Variants in PRKG1 observed in about 807,000 individuals in gnomAD.
The protein encoded by PRKG1 is protein kinase cGMP-dependent 1.
PRKG1 carries 35 observed loss-of-function variants against 88.1 expected under a neutral mutation model. That is an observed-to-expected ratio of 0.40 (90% confidence interval 0.30 to 0.53). The LOEUF is 0.53. Ranked by LOEUF, PRKG1 falls within the 20% of genes least tolerant of loss-of-function variation. The probability of loss-of-function intolerance (pLI) is 0.59; values close to 1 mark genes in which losing one functional copy is unlikely to be tolerated. For missense variants in PRKG1, 540 were observed against 839.8 expected (o/e 0.64, Z 4.41); for synonymous variants, 303 against 292.5 (o/e 1.04, Z -0.37).
chr10:52,144,189 T>G (rs978028460), intron 8 of PRKG1, among the ~76,000 whole-genome samples: 2 of 152,076 alleles, frequency 1.3e-5, no homozygotes, highest in Admixed American at 6.6e-5. Context: ...GAAAGACCTT[T>G]GTACAGTAAT....
chr10:51,688,554 C>A, intron 3 of PRKG1, among the ~76,000 whole-genome samples: 1 of 136,878 alleles, frequency 7.3e-6, no homozygotes, highest in Non-Finnish European at 1.5e-5. Context: ...CTAAAATTGC[C>A]AGTAACAATC....
chr10:51,209,690 A>G (rs1838162051), intron 2 of PRKG1, among the ~76,000 whole-genome samples: 1 of 152,174 alleles, frequency 6.6e-6, no homozygotes, highest in Non-Finnish European at 1.5e-5. Flanking sequence ...TATCACAAAG[A>G]GATGGTTGAC....
intron 7 of PRKG1, among the ~76,000 whole-genome samples, chr10:52,084,073 T>C (rs996406808): frequency 1.3e-5 from 2 of 152,052 alleles, no homozygotes; most frequent in African/African-American, 4.8e-5. Flanking sequence ...CTCTGGGGAA[T>C]TTCTACAAGG....
At chr10:51,308,173 A>G (rs1841087914) in intron 2 of PRKG1, among the ~76,000 whole-genome samples, 1 of 152,026 alleles carries the variant, frequency 6.6e-6, no homozygotes, top group African/African-American at 2.4e-5. Flanking sequence ...CTCCTGTACC[A>G]TTTTTTCGCT....
At chr10:52,135,275 T>A (rs1245461586) in intron 8 of PRKG1, among the ~76,000 whole-genome samples, 1 of 152,128 alleles carries the variant, frequency 6.6e-6, no homozygotes, top group Non-Finnish European at 1.5e-5. Context: ...AGGAAAGCTA[T>A]CAGCCATTTA....
intron 2 of PRKG1, among the ~76,000 whole-genome samples, chr10:51,457,042 A>G (rs1369629942): frequency 6.6e-6 from 1 of 152,176 alleles, no homozygotes; most frequent in Non-Finnish European, 1.5e-5. Flanking sequence ...TCCTTAAAGA[A>G]CTGTAAGTAG....
intron 2 of PRKG1, among the ~76,000 whole-genome samples, chr10:51,278,232 T>C (rs1457827147): frequency 6.6e-6 from 1 of 152,170 alleles, no homozygotes; most frequent in African/African-American, 2.4e-5. Flanking sequence ...TTGTCGTTGG[T>C]TCTGTTTGTA....
intron 1 of PRKG1, among the ~76,000 whole-genome samples, chr10:51,078,550 C>A (rs576626149): frequency 6.6e-6 from 1 of 150,412 alleles, no homozygotes; most frequent in African/African-American, 2.4e-5. Context: ...TTTTTCATTG[C>A]GAAGTACTTT....
At chr10:51,637,992 C>T (rs1186396178) in intron 3 of PRKG1, among the ~76,000 whole-genome samples, 4 of 152,056 alleles carry the variant, frequency 2.6e-5, no homozygotes, top group Admixed American at 2.6e-4. Flanking sequence ...ATGAAAGTAG[C>T]TAAGTGCAGT....
chr10:52,268,398 C>T lies in PRKG1; in HGVS notation c.1174-2952C>T, dbSNP rs886157229. Among the ~76,000 whole-genome samples, 23 of 152,182 alleles carry T rather than the reference C, an allele frequency of 1.5e-4. 1 individual carries two copies. Among genetic ancestry groups the T allele is most frequent in the African/African-American group, 5.5e-4 (23 of 41,546 alleles). On this transcript the variant is annotated intron_variant, in intron 10 of 17. Coordinates refer to ENST00000373980, the MANE Select transcript of PRKG1 (RefSeq NM_006258.4). ...TTCTCATTATCCTCTTTCTACCCCACTTGGCTTCTCCTTGCAGTATTCAAG... is the reference window on the plus strand; with the variant it reads ...TTCTCATTATCCTCTTTCTACCCCATTTGGCTTCTCCTTGCAGTATTCAAG...
rs1482234223 is a variant in PRKG1 at position 51,967,170 on chromosome 10, A to G, written c.762+59600A>G. On this transcript the variant is annotated intron_variant, in intron 5 of 17. Transcript: ENST00000373980. The stretch of plus-strand genomic sequence containing the variant: ...GACTTGGAACCAACCCAAATGTCCA[A>G]TAATGATAGACTGGATTAAGAAAAT... 2.0e-5 allele frequency among the ~76,000 whole-genome samples: 3 copies of G among 152,186 alleles called. No individual in the cohort carries two copies. In the East Asian group the frequency reaches 5.8e-4, roughly 29 times the overall value.
intron 1 of PRKG1, among the ~76,000 whole-genome samples, chr10:51,018,621 T>A (rs372588234): frequency 2.0e-5 from 3 of 152,340 alleles, no homozygotes; most frequent in South Asian, 4.1e-4. Context: ...AGGTCAACAT[T>A]CTTATTTCCA....
At chr10:51,978,088 T>G (rs1176285872) in intron 5 of PRKG1, among the ~76,000 whole-genome samples, 1 of 152,114 alleles carries the variant, frequency 6.6e-6, no homozygotes, top group Non-Finnish European at 1.5e-5. Flanking sequence ...TCTTCCAGGT[T>G]TTTTATAGTT....
chr10:51,856,966 T>TAAAA (rs748890081), intron 4 of PRKG1, among the ~76,000 whole-genome samples: 6 of 96,738 alleles, frequency 6.2e-5, no homozygotes, highest in Admixed American at 9.8e-5. Flanking sequence ...TCCGTCTTAC[T>TAAAA]AAAAAAAAGA....
At chr10:51,601,125 A>G (rs1838587652) in intron 3 of PRKG1, among the ~76,000 whole-genome samples, 2 of 152,082 alleles carry the variant, frequency 1.3e-5, no homozygotes, top group African/African-American at 2.4e-5. Context: ...ATTTCATTAT[A>G]ATTAATTTGA....
At chr10:51,461,742 T>C (rs1485108204) in intron 2 of PRKG1, among the ~76,000 whole-genome samples, 1 of 152,196 alleles carries the variant, frequency 6.6e-6, no homozygotes, top group Non-Finnish European at 1.5e-5. Context: ...TTCCTTCTTA[T>C]AGTGGCTTAA....
At chr10:51,061,060 G>GGGGTGTGTGTGTGTGT (rs1491449534) in intron 1 of PRKG1, among the ~76,000 whole-genome samples, 16 of 147,042 alleles carry the variant, frequency 1.1e-4, no homozygotes, top group African/African-American at 3.9e-4. Flanking sequence ...TATACCTAGG[G>GGGGTGTGTGTGTGTGT]GTGTGTGTGT....
intron 4 of PRKG1, among the ~76,000 whole-genome samples, chr10:51,875,676 A>T (rs920156517): frequency 4.6e-5 from 7 of 152,224 alleles, no homozygotes; most frequent in African/African-American, 1.7e-4. Flanking sequence ...ATGTTTATTT[A>T]AAAAATAATG....
At chr10:51,596,682 G>A (rs1022353933) in intron 3 of PRKG1, among the ~76,000 whole-genome samples, 3 of 151,986 alleles carry the variant, frequency 2.0e-5, no homozygotes, top group African/African-American at 7.3e-5. Context: ...TTGGCTTTTT[G>A]GAACAGCGTT....
Sources: allele counts gnomAD v4.1 joint callset (sites outside exome capture counted in the v4.1 genomes callset), GRCh38; gene constraint gnomAD v4.1.1; transcripts MANE v1.5; gene names NCBI Gene and HGNC (gene_info 2026-07-23, HGNC 2026-07-21).